Variants in COL18A1 observed in about 807,000 individuals in gnomAD.
COL18A1 encodes the protein collagen type XVIII alpha 1 chain.
Under a neutral mutation model 168.0 loss-of-function variants are expected in COL18A1, and 133 were observed. That is an observed-to-expected ratio of 0.79 (90% CI 0.69 to 0.91). COL18A1 has a LOEUF of 0.91. Among genes scored for constraint, COL18A1 ranks in the 40% least tolerant of loss-of-function variants. COL18A1 has a pLI of 0.00. For synonymous variants in COL18A1, 949 were observed against 809.0 expected (o/e 1.17, Z -2.94); for missense variants, 2,126 against 1,925.4 (o/e 1.10, Z -1.95).
Position 45,510,985 on chromosome 21 carries a change from C to CCT in COL18A1, c.3694-125_3694-124insTC. Reference sequence around the variant, plus strand: ...CATACACCCCCAAACACCCCCCACACCCCACACACACAACACACCCCCCCC... The same window carrying CCT: ...CATACACCCCCAAACACCCCCCACACCTCCCACACACACAACACACCCCCCCC... On this transcript the variant is annotated intron_variant, in intron 40 of 41. Transcript: ENST00000651438. The CCT allele has an allele frequency of 4.0e-4, 18 of 45,356 alleles. 7 individuals carry two copies. The highest frequency in any genetic ancestry group is 1.1e-3 in the South Asian group (6 of 5,714). The allele number at this position is 45,356 out of a possible 1,614,324, so 2.8% of individuals were successfully genotyped here.
chr21:45,447,989 A>G (rs530319207), intron 2 of COL18A1, among the ~76,000 whole-genome samples: 6 of 152,280 alleles, frequency 3.9e-5, no homozygotes, highest in Non-Finnish European at 8.8e-5. Context: ...GAAGGCATGC[A>G]GGAATAACAC....
At chr21:45,487,024 A>T in intron 16 of COL18A1, 32 bp downstream of exon 16, 1 of 1,487,774 alleles carries the variant, frequency 6.7e-7, no homozygotes, top group Non-Finnish European at 8.9e-7. Context: ...CCCCCTGGAG[A>T]GCCGGGGGCT....
At chr21:45,487,269 G>C (rs1344622784) in intron 16 of COL18A1, among the ~76,000 whole-genome samples, 178 bp from the exon 17 acceptor site, 2 of 152,192 alleles carry the variant, frequency 1.3e-5, no homozygotes, top group African/African-American at 2.4e-5. Context: ...GCTGCCCCGG[G>C]GGGGCTCCAC....
chr21:45,508,556 G>A lies in COL18A1; in HGVS notation c.3250-800G>A, dbSNP rs531130532. Among the ~76,000 whole-genome samples the A allele has an allele frequency of 7.2e-5, 11 of 152,224 alleles. No homozygotes were observed. In the South Asian group the frequency reaches 1.5e-3, roughly 20 times the overall value. On this transcript the variant is annotated intron_variant, in intron 38 of 41. Transcript: ENST00000651438. ...TGGATGGATGGGTAGAAATATTTTCGTTTTCCTAAGTGTTGCGTCCAGCTG... is the reference window on the plus strand; with the variant it reads ...TGGATGGATGGGTAGAAATATTTTCATTTTCCTAAGTGTTGCGTCCAGCTG...
chr21:45,509,319 T>TC (rs749103235), intron 38 of COL18A1, 37 bp from the exon 39 acceptor site: 27 of 1,533,898 alleles, frequency 1.8e-5, no homozygotes, highest in South Asian at 2.4e-5. Flanking sequence ...ACCCGGAGGG[T>TC]CCCCCCGCCG....
chr21:45,473,833 G>C lies in COL18A1; in HGVS notation c.652-62G>C, dbSNP rs1267553179. Reference sequence around the variant, plus strand: ...CCCCCCGAAATCTGGAGCTCAAGCAGCACCGGGGTTGCCACTGCCACCTCA... The same window carrying C: ...CCCCCCGAAATCTGGAGCTCAAGCACCACCGGGGTTGCCACTGCCACCTCA... On this transcript the variant is annotated intron_variant, in intron 3 of 41. Coordinates refer to ENST00000651438, the MANE Select transcript of COL18A1 (RefSeq NM_001379500.1). The surrounding 1 kb of genome is among the most constrained non-coding windows in gnomAD (Gnocchi z 4.0). 7.4e-7 allele frequency: 1 copy of C among 1,360,126 alleles called. No individual in the cohort carries two copies. Among genetic ancestry groups the C allele is most frequent in the African/African-American group, 1.4e-5 (1 of 69,432 alleles). 84.3% of individuals were successfully genotyped at this position (1,360,126 alleles called of 1,614,324 possible). A position where few individuals can be genotyped will look rare whatever the true frequency, so the allele number is the denominator to read the frequency against.
Position 45,498,442 on chromosome 21 carries a change from G to A in COL18A1, c.2683+781G>A, listed in dbSNP as rs540100004. 5.3e-5 allele frequency: 37 copies of A among 693,278 alleles called. No homozygotes were observed. The East Asian group carries it at 8.4e-4, about 16-fold the overall frequency. The allele number at this position is 693,278 out of a possible 1,614,324, so 42.9% of individuals were successfully genotyped here. A position where few individuals can be genotyped will look rare whatever the true frequency, so the allele number is the denominator to read the frequency against. On this transcript the variant is annotated intron_variant, in intron 32 of 41. Transcript: ENST00000651438. The surrounding 1 kb of genome is among the most constrained non-coding windows in gnomAD (Gnocchi z 4.5). ...CTCGCCGCCACGGTCCCCTCTCGCC[G>A]CCAGGGTCCCCTCTCGCCGCCACGG...
At chr21:45,491,924 G>A (rs957073592) in intron 22 of COL18A1, among the ~76,000 whole-genome samples, 4 of 139,550 alleles carry the variant, frequency 2.9e-5, no homozygotes, top group Admixed American at 6.8e-5. Flanking sequence ...GTGGCCAGGG[G>A]TTCAGATCCC....
Position 45,476,605 on chromosome 21 carries a change from CAT to C in COL18A1, c.928+126_928+127del, listed in dbSNP as rs1287956383. On this transcript the variant is annotated intron_variant, in intron 6 of 41. Transcript: ENST00000651438. ...TGTGTAGTGTGTGGTGTATATGGTA[CAT>C]GTGTGTGTGATATGGCACGTGTTTG... 7.1e-5 allele frequency: 86 copies of C among 1,219,752 alleles called. No homozygotes were observed. The Middle Eastern group carries it at 8.5e-4, about 12-fold the overall frequency. The allele number at this position is 1,219,752 out of a possible 1,614,324, so 75.6% of individuals were successfully genotyped here.
intron 39 of COL18A1, 58 bp downstream of exon 39, chr21:45,509,659 G>T (rs1297850080): frequency 5.3e-6 from 5 of 938,310 alleles, no homozygotes; most frequent in Non-Finnish European, 8.3e-6. Flanking sequence ...CTCGGCAGCA[G>T]AAGAGGGCCC....
chr21:45,447,571 C>T (rs1346958146), intron 2 of COL18A1, among the ~76,000 whole-genome samples: 1 of 152,072 alleles, frequency 6.6e-6, no homozygotes, highest in African/African-American at 2.4e-5. Flanking sequence ...AGAATACTCC[C>T]TAAATCAACT....
chr21:45,510,421 A>G (rs1451316199), intron 40 of COL18A1, among the ~76,000 whole-genome samples, 160 bp downstream of exon 40: 1 of 152,086 alleles, frequency 6.6e-6, no homozygotes, highest in Admixed American at 6.5e-5. Context: ...CGGGTGGGTC[A>G]CACCCCTCCA....
At position 45,437,703 on chromosome 21, in the gene COL18A1, CACTCAG is replaced by C. The variant is rs1191871057; in HGVS notation, c.107-30536_107-30531del. Among the ~76,000 whole-genome samples, 98 of 68,718 alleles carry C rather than the reference CACTCAG, an allele frequency of 1.4e-3. 1 individual carries two copies. Among genetic ancestry groups the C allele is most frequent in the East Asian group, 2.4e-3 (5 of 2,096 alleles). 45.1% of individuals were successfully genotyped at this position (68,718 alleles called of 152,430 possible). On this transcript the variant is annotated intron_variant, in intron 2 of 41. Coordinates refer to ENST00000651438, the MANE Select transcript of COL18A1 (RefSeq NM_001379500.1). ...GCACTCTCCTGCACACACACACACACACTCAGACACACAGGCACTCTCCTGCACACA... is the reference window on the plus strand; with the variant it reads ...GCACTCTCCTGCACACACACACACACACACACAGGCACTCTCCTGCACACA...
Position 45,477,736 on chromosome 21 carries a change from C to A in COL18A1, c.1006-14C>A. ...CCCACCCCAGCCCGAGCCCTGTGTT[C>A]TGTTTATTCCCAGGGCGGCCTGAAG... is the stretch of plus-strand genomic sequence containing the variant. On this transcript the variant is annotated splice_polypyrimidine_tract_variant and intron_variant, in intron 7 of 41. Coordinates refer to ENST00000651438, the MANE Select transcript of COL18A1 (RefSeq NM_001379500.1). The A allele has an allele frequency of 6.5e-7, 1 of 1,529,604 alleles. No homozygotes were observed. The highest frequency in any genetic ancestry group is 1.2e-5 in the South Asian group (1 of 83,374). The allele number at this position is 1,529,604 out of a possible 1,614,324, so 94.8% of individuals were successfully genotyped here.
chr21:45,486,947 C>T lies in COL18A1; in HGVS notation c.1788C>T (p.Pro596=). Residue 596 remains proline, a synonymous_variant, in exon 16 of 42, where the codon CCC becomes CCT. Transcript: ENST00000651438. The part of the protein sequence containing the change: ...GAPGPAGPPG[P]PGPPGPPGPG... Reference sequence around the variant, plus strand: ...CCGGACCTGCTGGACCACCAGGCCCCCCTGGGCCCCCTGGGCCCCCAGGAC... The same window carrying T: ...CCGGACCTGCTGGACCACCAGGCCCTCCTGGGCCCCCTGGGCCCCCAGGAC... The T allele has an allele frequency of 2.0e-6, 3 of 1,482,474 alleles. No individual in the cohort carries two copies. Among genetic ancestry groups the T allele is most frequent in the African/African-American group, 1.4e-5 (1 of 70,026 alleles). 91.8% of individuals were successfully genotyped at this position (1,482,474 alleles called of 1,614,324 possible).
chr21:45,480,341 A>T (rs1436058829), intron 11 of COL18A1, 126 bp from the exon 12 acceptor site: 2 of 1,553,618 alleles, frequency 1.3e-6, no homozygotes, highest in African/African-American at 2.7e-5. Flanking sequence ...GGGGCAGCAG[A>T]GGGGCCGTGG....
intron 32 of COL18A1, among the ~76,000 whole-genome samples, chr21:45,499,390 G>T (rs1355566078): frequency 6.6e-6 from 1 of 152,220 alleles, no homozygotes; most frequent in Non-Finnish European, 1.5e-5. Context: ...ACCAGCGTGG[G>T]CTGCCCCACA....
In COL18A1 at chr21:45,471,223, T is replaced by G. The variant is rs4818780; in HGVS notation, c.651+2437T>G. 0.12 allele frequency among the ~76,000 whole-genome samples: 17,650 copies of G among 152,136 alleles called. 1,169 individuals carry two copies. Among genetic ancestry groups the G allele is most frequent in the East Asian group, 0.24 (1,219 of 5,152 alleles). On this transcript the variant is annotated intron_variant, in intron 3 of 41. Coordinates refer to ENST00000651438, the MANE Select transcript of COL18A1 (RefSeq NM_001379500.1). The surrounding 1 kb of genome is among the most constrained non-coding windows in gnomAD (Gnocchi z 4.4). Reference sequence around the variant, plus strand: ...GCCGTGTGCTGAGGGCTGTGTTGGTTGATCTCTGTGTCAGGTCCCTGCAGG... The same window carrying G: ...GCCGTGTGCTGAGGGCTGTGTTGGTGGATCTCTGTGTCAGGTCCCTGCAGG...
At chr21:45,492,120 G>A (rs2036373304) in intron 22 of COL18A1, among the ~76,000 whole-genome samples, 1 of 152,180 alleles carries the variant, frequency 6.6e-6, no homozygotes, top group Non-Finnish European at 1.5e-5. Flanking sequence ...GAGAGGGCTT[G>A]CCCCAGCACG....
Sources: gnomAD v4.1 joint callset for allele counts (sites outside exome capture counted in the v4.1 genomes callset) on GRCh38, gnomAD v4.1.1 for gene constraint, Gnocchi (gnomAD v3.1) non-coding constraint, MANE v1.5 for transcripts, NCBI Gene and HGNC (gene_info 2026-07-23, HGNC 2026-07-21) for gene names.